The following PBDC1 variants were observed in gnomAD, a reference collection of about 807,000 sequenced individuals.
PBDC1 encodes protein PBDC1.
Under a neutral mutation model 12.0 loss-of-function variants are expected in PBDC1, and 3 were observed. The ratio of observed to expected loss-of-function variants is 0.25; its 90% CI spans 0.11 to 0.64. PBDC1 has a LOEUF of 0.64. PBDC1 is among the 30% of genes least tolerant of loss of function. The pLI is 0.84. For missense variants in PBDC1, 162 were observed against 168.1 expected (o/e 0.96, Z 0.20); for synonymous variants, 64 against 56.4 (o/e 1.13, Z -0.60).
intron 3 of PBDC1, 87 bp downstream of exon 3, chrX:76,175,036 A>G (rs1924755218): frequency 1.3e-6 from 1 of 752,171 alleles, no homozygotes; most frequent in East Asian, 3.2e-5. Context: ...TCAGCAAGTT[A>G]AACAGTTGTG....
chrX:76,173,675 C>G (rs781984016), intron 2 of PBDC1, 25 bp downstream of exon 2: 2 of 1,087,791 alleles, frequency 1.8e-6, no homozygotes, highest in Non-Finnish European at 2.5e-6. Context: ...CCCACAGCTC[C>G]CACCCACTCA....
At chrX:76,173,226 T>G in intron 1 of PBDC1, 58 bp downstream of exon 1, 3 of 1,038,959 alleles carry the variant, frequency 2.9e-6, no homozygotes, top group Non-Finnish European at 3.8e-6. Context: ...GGAGCCTTTT[T>G]TTTTTCTTTT....
At chrX:76,174,762 C>T in intron 2 of PBDC1, 128 bp from the exon 3 acceptor site, 2 of 522,121 alleles carry the variant, frequency 3.8e-6, no homozygotes, top group South Asian at 6.1e-5. Context: ...CAGTTTTTAT[C>T]ATTTGACAGT....
At chrX:76,176,842 T>C in intron 4 of PBDC1, 39 bp from the exon 5 acceptor site, 1 of 943,903 alleles carries the variant, frequency 1.1e-6, no homozygotes, top group Non-Finnish European at 1.5e-6. Flanking sequence ...CGTCAGCCTC[T>C]TGCATTTGTC....
chrX:76,173,551 G>A, intron 1 of PBDC1, 34 bp from the exon 2 acceptor site: 1 of 1,140,969 alleles, frequency 8.8e-7, no homozygotes, highest in East Asian at 3.1e-5. Context: ...CCCGGCCTTG[G>A]GGGGAGCCTT....
rs782324325 is a variant in PBDC1, at chrX:76,173,102, C to T, written c.-37C>T. ...CTCTGATCCGGCTCAGCTTTCCAAT[C>T]AGCTGCGGAAGGAGCCACGCTTTCG... On this transcript the variant is annotated 5_prime_UTR_variant, in exon 1 of 6. Coordinates refer to ENST00000373358, the MANE Select transcript of PBDC1 (RefSeq NM_016500.5). 70 of 1,166,519 alleles carry T rather than the reference C, an allele frequency of 6.0e-5. No individual in the cohort carries two copies. Among genetic ancestry groups the T allele is most frequent in the Non-Finnish European group, 2.5e-5 (22 of 870,861 alleles).
At chrX:76,177,312 G>A (rs186454051) in intron 5 of PBDC1, among the ~76,000 whole-genome samples, 192 of 111,157 alleles carry the variant, frequency 1.7e-3, no homozygotes, top group Middle Eastern at 9.4e-3. Context: ...ACTTTGGGAG[G>A]CTGACATGGG....
At chrX:76,177,338 G>A (rs1206011098) in intron 5 of PBDC1, among the ~76,000 whole-genome samples, 2 of 110,836 alleles carry the variant, frequency 1.8e-5, no homozygotes, top group African/African-American at 6.6e-5. Context: ...CACTTGAGCT[G>A]AGGATTTTGA....
At chrX:76,174,580 T>C (rs781789272) in intron 2 of PBDC1, among the ~76,000 whole-genome samples, 2 of 112,470 alleles carry the variant, frequency 1.8e-5, no homozygotes, top group South Asian at 7.4e-4. Context: ...AGTTTTACAA[T>C]GATTTAACTC....
At chrX:76,174,150 C>T (rs1360638416) in intron 2 of PBDC1, among the ~76,000 whole-genome samples, 1 of 112,043 alleles carries the variant, frequency 8.9e-6, no homozygotes. Context: ...AATAATTTAG[C>T]TGAAGGAGAA....
In PBDC1 at chrX:76,173,080, T is replaced by C. The variant is rs1478028990; in HGVS notation, c.-59T>C. Reference sequence around the variant, plus strand: ...TGGAGCCGCCAGTTGAGAAGGACTCTGATCCGGCTCAGCTTTCCAATCAGC... The same window carrying C: ...TGGAGCCGCCAGTTGAGAAGGACTCCGATCCGGCTCAGCTTTCCAATCAGC... On this transcript the variant is annotated 5_prime_UTR_variant, in exon 1 of 6. Transcript: ENST00000373358. 8.8e-7 allele frequency: 1 copy of C among 1,140,108 alleles called. No individual in the cohort carries two copies. Among genetic ancestry groups the C allele is most frequent in the African/African-American group, 1.8e-5 (1 of 55,015 alleles). The allele number at this position is 1,140,108 out of a possible 1,213,427, so 94.0% of individuals were successfully genotyped here. A position where few individuals can be genotyped will look rare whatever the true frequency, so the allele number is the denominator to read the frequency against.
In PBDC1 at chrX:76,173,166, C is replaced by T; in HGVS notation, c.28C>T (p.Pro10Ser). ...GGCGGCCACCAGTGGAACTGATGAG[C>T]CGGTGAGACGCTGTTCTGGGGTCGG... Reference protein sequence around the residue: MAATSGTDEPVSGELVSVAH... With the variant: MAATSGTDESVSGELVSVAH... The change falls in exon 1 of 6, where the codon CCG becomes TCG. Residue 10 changes from proline (P) to serine (S), a missense_variant and splice_region_variant. By Grantham distance (74) the Pro-to-Ser change is moderately conservative. Transcript: ENST00000373358. 8.5e-7 allele frequency: 1 copy of T among 1,175,868 alleles called. No homozygotes were observed. The highest frequency in any genetic ancestry group is 1.1e-6 in the Non-Finnish European group (1 of 876,819).
At chrX:76,173,245 A>G in intron 1 of PBDC1, 77 bp downstream of exon 1, 4 of 938,068 alleles carry the variant, frequency 4.3e-6, no homozygotes, top group Non-Finnish European at 5.8e-6. Flanking sequence ...TTTTGAGACA[A>G]GGTGTCACTC....
chrX:76,176,630 A>G (rs782712459), intron 4 of PBDC1, among the ~76,000 whole-genome samples: 45 of 112,171 alleles, frequency 4.0e-4, no homozygotes, highest in African/African-American at 1.5e-3. Flanking sequence ...AAGAAATAAT[A>G]TTTTAATTCT....
At chrX:76,175,079 TACCC>T in intron 3 of PBDC1, 130 bp downstream of exon 3, 1 of 564,966 alleles carries the variant, frequency 1.8e-6, no homozygotes, top group Non-Finnish European at 2.9e-6. Context: ...TGTAAGTTCT[TACCC>T]ACAGACAACA....
At chrX:76,174,451 T>C (rs1374653646) in intron 2 of PBDC1, among the ~76,000 whole-genome samples, 2 of 112,078 alleles carry the variant, frequency 1.8e-5, no homozygotes, top group African/African-American at 6.5e-5. Context: ...TATGGGGAAT[T>C]GGCTGTTTGG....
chrX:76,173,824 G>A (rs1924724567), intron 2 of PBDC1, among the ~76,000 whole-genome samples, 174 bp downstream of exon 2: 1 of 112,087 alleles, frequency 8.9e-6, no homozygotes, highest in Non-Finnish European at 1.9e-5. Flanking sequence ...CACAAACGCA[G>A]GACTAACGCC....
chrX:76,178,093 A>AG lies in PBDC1; in HGVS notation c.*185_*186insG. 1.8e-5 allele frequency: 14 copies of AG among 780,630 alleles called. No individual in the cohort carries two copies. The South Asian group carries it at 5.1e-4, about 28-fold the overall frequency. 64.3% of individuals were successfully genotyped at this position (780,630 alleles called of 1,213,427 possible). A position where few individuals can be genotyped will look rare whatever the true frequency, so the allele number is the denominator to read the frequency against. On this transcript the variant is annotated 3_prime_UTR_variant, in exon 6 of 6. Transcript: ENST00000373358. ...GTCATTCCCTTGTATGAACTGGTCT[A>AG]AAGACTGTTAGTGGGGTGTTAGTTG... is the stretch of plus-strand genomic sequence containing the variant.
At chrX:76,177,557 AAAG>A in intron 5 of PBDC1, 56 bp from the exon 6 acceptor site, 1 of 1,082,086 alleles carries the variant, frequency 9.2e-7, no homozygotes, top group Non-Finnish European at 1.2e-6. Context: ...GTCTCAAAAA[AAAG>A]AGATTTAGGG....
Sources: gnomAD v4.1 joint callset for allele counts (sites outside exome capture counted in the v4.1 genomes callset) on GRCh38, gnomAD v4.1.1 for gene constraint, MANE v1.5 for transcripts, NCBI Gene and HGNC (gene_info 2026-07-23, HGNC 2026-07-21) for gene names.